Variants in SORCS3 observed in about 807,000 individuals in gnomAD.
SORCS3 encodes the protein VPS10 domain-containing receptor SorCS3.
A neutral mutation model predicts 146.3 loss-of-function variants in SORCS3; 57 were observed. The ratio of observed to expected loss-of-function variants is 0.39; its 90% CI spans 0.31 to 0.49. The LOEUF (loss-of-function observed/expected upper bound fraction) is 0.49, where lower values mean the gene tolerates loss of function less well. Among genes scored for constraint, SORCS3 ranks in the 20% least tolerant of loss-of-function variants. The pLI is 0.92. For missense variants in SORCS3, 1,341 were observed against 1,575.5 expected, an observed-to-expected ratio of 0.85 and a Z score of 2.52; for synonymous variants, 653 against 618.5, an observed-to-expected ratio of 1.06 and a Z score of -0.83.
chr10:105,036,078 A>G (rs1276967718), intron 4 of SORCS3, among the ~76,000 whole-genome samples: 4 of 152,130 alleles, frequency 2.6e-5, no homozygotes, highest in South Asian at 2.1e-4. Context: ...ACTTAGACCA[A>G]TGCACACTGA....
At chr10:105,030,021 T>A (rs2055254660) in intron 4 of SORCS3, among the ~76,000 whole-genome samples, 1 of 152,198 alleles carries the variant, frequency 6.6e-6, no homozygotes, top group South Asian at 2.1e-4. Context: ...GCTGCTATTC[T>A]GGGGTGAGCC....
Position 105,204,124 on chromosome 10 carries a change from G to A in SORCS3, c.2261+2871G>A, listed in dbSNP as rs1412980922. ...ACGGCCTTCTGTGGTTCTCATACTTGCACTGGTAGAGGTACCATGTGGATC... is the reference window on the plus strand; with the variant it reads ...ACGGCCTTCTGTGGTTCTCATACTTACACTGGTAGAGGTACCATGTGGATC... On this transcript the variant is annotated intron_variant, in intron 16 of 26. Coordinates refer to ENST00000369701, the MANE Select transcript of SORCS3 (RefSeq NM_014978.3). Among the ~76,000 whole-genome samples the A allele has an allele frequency of 2.0e-5, 3 of 152,202 alleles. No individual in the cohort carries two copies. The East Asian group carries it at 5.8e-4, about 29-fold the overall frequency.
chr10:104,902,646 T>C (rs2018863380), intron 2 of SORCS3, among the ~76,000 whole-genome samples: 1 of 152,226 alleles, frequency 6.6e-6, no homozygotes, highest in African/African-American at 2.4e-5. Context: ...TGTGAAGTCA[T>C]TGTTATTTTC....
rs1264174476 is a variant in SORCS3 at position 104,737,213 on chromosome 10, A to T, written c.627+95259A>T. The stretch of plus-strand genomic sequence containing the variant: ...TTTGGGTTGGTTCCAAGTCTTTGCT[A>T]TTGTGAATAGTGCCGCAATAAACAT... On this transcript the variant is annotated intron_variant, in intron 1 of 26. Coordinates refer to ENST00000369701, the MANE Select transcript of SORCS3 (RefSeq NM_014978.3). 4.6e-5 allele frequency among the ~76,000 whole-genome samples: 7 copies of T among 152,274 alleles called. No individual in the cohort carries two copies. In the South Asian group the frequency reaches 1.5e-3, roughly 32 times the overall value.
chr10:104,996,508 A>G (rs1047678711), intron 4 of SORCS3, among the ~76,000 whole-genome samples: 2 of 152,170 alleles, frequency 1.3e-5, no homozygotes, highest in Admixed American at 6.5e-5. Flanking sequence ...TTGCCAGTAC[A>G]TAGAACAAAT....
At chr10:105,018,988 TC>T (rs1362540092) in intron 4 of SORCS3, among the ~76,000 whole-genome samples, 2 of 152,288 alleles carry the variant, frequency 1.3e-5, no homozygotes, top group East Asian at 3.9e-4. Context: ...TTCCTTGTCC[TC>T]CATGTTGAAA....
rs7075541 is a variant in SORCS3, at chr10:104,812,233, C to T, written c.628-30559C>T. Among the ~76,000 whole-genome samples the T allele has an allele frequency of 7.3e-3, 1,107 of 152,196 alleles. 14 individuals carry two copies. Among genetic ancestry groups the T allele is most frequent in the African/African-American group, 0.025 (1,052 of 41,526 alleles). The stretch of plus-strand genomic sequence containing the variant: ...ACTTCCCCACTAGCTAGGCCCCATC[C>T]TTAGTTATTCCCAAGATTTTGTTTC... On this transcript the variant is annotated intron_variant, in intron 1 of 26. Coordinates refer to ENST00000369701, the MANE Select transcript of SORCS3 (RefSeq NM_014978.3).
intron 4 of SORCS3, among the ~76,000 whole-genome samples, chr10:104,979,784 A>G (rs2054922208): frequency 1.3e-5 from 2 of 152,338 alleles, no homozygotes; most frequent in Admixed American, 1.3e-4. Flanking sequence ...AGACTTAGCC[A>G]AATGTCAGAT....
At chr10:105,205,045 A>AT (rs2056594624) in intron 16 of SORCS3, among the ~76,000 whole-genome samples, 1 of 152,182 alleles carries the variant, frequency 6.6e-6, no homozygotes, top group Non-Finnish European at 1.5e-5. Flanking sequence ...TACAGTTAGT[A>AT]CCAGTGATTA....
intron 1 of SORCS3, among the ~76,000 whole-genome samples, chr10:104,700,771 C>T (rs755865859): frequency 2.4e-4 from 37 of 152,110 alleles, no homozygotes; most frequent in Non-Finnish European, 5.1e-4. Context: ...CACAGCCAGC[C>T]TCATGCCTAG....
At chr10:104,912,098 C>G (rs548050930) in intron 2 of SORCS3, among the ~76,000 whole-genome samples, 1 of 152,302 alleles carries the variant, frequency 6.6e-6, no homozygotes, top group Non-Finnish European at 1.5e-5. Flanking sequence ...GCAGTAGTCT[C>G]TCTACATATT....
Position 104,915,902 on chromosome 10 carries a change from C to G in SORCS3, c.765C>G (p.Tyr255Ter). 6.2e-7 allele frequency: 1 copy of G among 1,613,966 alleles called. No individual in the cohort carries two copies. The highest frequency in any genetic ancestry group is 8.5e-7 in the Non-Finnish European group (1 of 1,179,954). Residue 255 changes from tyrosine (Y) to a stop codon, truncating the protein, a stop_gained, in exon 3 of 27, where the codon TAC (tyrosine) becomes TAG (stop). Transcript: ENST00000369701. LOFTEE classifies it high-confidence loss of function. ...DKVGLKTVLS[Y>*]LYVNPTNKRK... is the part of the protein sequence containing the mutation. ...TGGGTTTGAAGACTGTCCTCAGTTA[C>G]CTCTATGTCAATCCAACCAACAAAA...
intron 5 of SORCS3, among the ~76,000 whole-genome samples, chr10:105,055,463 C>A (rs1484549516): frequency 6.6e-6 from 1 of 152,146 alleles, no homozygotes; most frequent in African/African-American, 2.4e-5. Context: ...TTGCATTTAA[C>A]CTTTGTGACC....
chr10:105,094,921 T>A (rs180829564), intron 6 of SORCS3, among the ~76,000 whole-genome samples: 2 of 152,236 alleles, frequency 1.3e-5, no homozygotes, highest in Admixed American at 1.3e-4. Flanking sequence ...TTGAAGAGGA[T>A]CTATGAGGGA....
At chr10:104,818,795 G>A (rs1217251994) in intron 1 of SORCS3, among the ~76,000 whole-genome samples, 1 of 152,088 alleles carries the variant, frequency 6.6e-6, no homozygotes, top group African/African-American at 2.4e-5. Context: ...AATTTGCAGA[G>A]GTGTGAACTT....
intron 4 of SORCS3, among the ~76,000 whole-genome samples, chr10:105,002,303 G>C (rs1358443604): frequency 6.6e-6 from 1 of 152,134 alleles, no homozygotes; most frequent in African/African-American, 2.4e-5. Flanking sequence ...GGAGGTGACA[G>C]GTTCATGCAT....
intron 7 of SORCS3, 121 bp downstream of exon 7, chr10:105,105,636 C>G (rs973394511): frequency 8.2e-6 from 6 of 727,900 alleles, no homozygotes; most frequent in African/African-American, 3.5e-5. Flanking sequence ...ACTGTCCCTC[C>G]TTTGCTTCAG....
At chr10:105,135,806 A>T (rs1045697362) in intron 7 of SORCS3, among the ~76,000 whole-genome samples, 1 of 152,118 alleles carries the variant, frequency 6.6e-6, no homozygotes, top group East Asian at 1.9e-4. Flanking sequence ...CTAATTTCCA[A>T]TACCTTACTC....
intron 1 of SORCS3, among the ~76,000 whole-genome samples, chr10:104,802,785 G>C (rs564482264): frequency 6.6e-5 from 10 of 152,308 alleles, no homozygotes; most frequent in Admixed American, 2.0e-4. Context: ...CTTGGAGAGA[G>C]AGCATAGAGA....
Sources: allele counts gnomAD v4.1 joint callset (sites outside exome capture counted in the v4.1 genomes callset), GRCh38; gene constraint gnomAD v4.1.1; transcripts MANE v1.5; gene names NCBI Gene and HGNC (gene_info 2026-07-23, HGNC 2026-07-21).